The following LPP variants were observed in gnomAD, a reference collection of about 807,000 sequenced individuals.
LPP encodes the protein lipoma-preferred partner.
Under a neutral mutation model 60.4 loss-of-function variants are expected in LPP, and 38 were observed. That is an observed-to-expected ratio of 0.63 (90% CI 0.49 to 0.83). The LOEUF (loss-of-function observed/expected upper bound fraction) is 0.83. Among genes scored for constraint, LPP ranks in the 40% least tolerant of loss-of-function variants. LPP has a pLI of 0.00. For missense variants in LPP, 902 were observed against 783.6 expected (o/e 1.15, Z -1.80); for synonymous variants, 328 against 290.8 (o/e 1.13, Z -1.30).
intron 2 of LPP, among the ~76,000 whole-genome samples, chr3:188,258,800 A>T (rs1732572489): frequency 6.6e-6 from 1 of 152,084 alleles, no homozygotes; most frequent in African/African-American, 2.4e-5. Flanking sequence ...TTTTTTTCTG[A>T]CTCTATGAAC....
At chr3:188,825,269 C>CTCTATG (rs1463318065) in intron 9 of LPP, among the ~76,000 whole-genome samples, 1 of 101,690 alleles carries the variant, frequency 9.8e-6, no homozygotes, top group South Asian at 4.4e-4. Context: ...CTCTCTCTCT[C>CTCTATG]TGTGTGTGTG....
chr3:188,636,719 G>A (rs1414792738), intron 7 of LPP, among the ~76,000 whole-genome samples: 2 of 152,026 alleles, frequency 1.3e-5, no homozygotes, highest in Admixed American at 6.5e-5. Context: ...CTGAGAATGG[G>A]CAGACTGCCT....
chr3:188,470,628 T>C (rs565875853), intron 4 of LPP, among the ~76,000 whole-genome samples: 2 of 152,190 alleles, frequency 1.3e-5, no homozygotes, highest in Admixed American at 6.5e-5. Flanking sequence ...CTAAAGTTAC[T>C]ATAGAGGGCT....
chr3:188,201,065 A>T (rs970042390), intron 1 of LPP, among the ~76,000 whole-genome samples: 2 of 152,162 alleles, frequency 1.3e-5, no homozygotes, highest in African/African-American at 2.4e-5. Context: ...GTTCAGTTTA[A>T]TCTCCTCCTG....
At chr3:188,800,436 G>A (rs988581179) in intron 9 of LPP, among the ~76,000 whole-genome samples, 1 of 151,712 alleles carries the variant, frequency 6.6e-6, no homozygotes, top group African/African-American at 2.4e-5. Flanking sequence ...TAGTAGAGGT[G>A]GGGTTTCATC....
intron 4 of LPP, among the ~76,000 whole-genome samples, chr3:188,469,493 A>G (rs755208289): frequency 2.6e-5 from 4 of 152,084 alleles, no homozygotes; most frequent in Non-Finnish European, 5.9e-5. Flanking sequence ...GAAAAAAGTG[A>G]CCTAGTAATA....
At chr3:188,163,648 T>C (rs909594377) in intron 1 of LPP, among the ~76,000 whole-genome samples, 1 of 151,974 alleles carries the variant, frequency 6.6e-6, no homozygotes, top group African/African-American at 2.4e-5. Context: ...GCTCAAGAAA[T>C]GTCTGCTGAG....
intron 7 of LPP, among the ~76,000 whole-genome samples, chr3:188,628,327 GAATA>G (rs1215398451): frequency 6.6e-6 from 1 of 150,526 alleles, no homozygotes; most frequent in Non-Finnish European, 1.5e-5. Context: ...TTTTTTGCAA[GAATA>G]AATAAGATTG....
At chr3:188,701,083 G>A (rs1191487159) in intron 7 of LPP, among the ~76,000 whole-genome samples, 1 of 152,164 alleles carries the variant, frequency 6.6e-6, no homozygotes, top group Non-Finnish European at 1.5e-5. Flanking sequence ...CTATGTAAAT[G>A]TATAATCAAA....
intron 4 of LPP, among the ~76,000 whole-genome samples, chr3:188,441,056 A>G (rs1255589065): frequency 2.0e-5 from 3 of 151,140 alleles, no homozygotes; most frequent in Non-Finnish European, 4.4e-5. Context: ...GCGTGCCTGT[A>G]TACATCAGAT....
At position 188,599,751 on chromosome 3, in the gene LPP, G is replaced by GAGGGGTGTGTGTGTGT. The variant is rs1553938530; in HGVS notation, c.430-9410_430-9409insAGGGGTGTGTGTGTGT. 2.5e-4 allele frequency among the ~76,000 whole-genome samples: 35 copies of GAGGGGTGTGTGTGTGT among 139,906 alleles called. 1 individual carries two copies. The highest frequency in any genetic ancestry group is 8.8e-4 in the African/African-American group (33 of 37,300). 91.8% of individuals were successfully genotyped at this position (139,906 alleles called of 152,430 possible). ...CAAAAACTATCGGGGACTCGTTAGG[G>GAGGGGTGTGTGTGTGT]GTGTGTGTGTGTGTGTGTGTGTGTG... On this transcript the variant is annotated intron_variant, in intron 6 of 11. Coordinates refer to ENST00000617246, the MANE Select transcript of LPP (RefSeq NM_001375462.1).
At chr3:188,466,722 T>C (rs908879667) in intron 4 of LPP, among the ~76,000 whole-genome samples, 2 of 148,952 alleles carry the variant, frequency 1.3e-5, no homozygotes, top group African/African-American at 2.5e-5. Flanking sequence ...TAGAGGCTCA[T>C]ATTTTTATGC....
intron 5 of LPP, among the ~76,000 whole-genome samples, chr3:188,521,862 T>C (rs77704326): frequency 5.9e-5 from 9 of 152,284 alleles, no homozygotes; most frequent in Non-Finnish European, 1.2e-4. Context: ...TATGTGGAAA[T>C]ACACTTACCA....
At chr3:188,517,022 C>T (rs1358034292) in intron 5 of LPP, among the ~76,000 whole-genome samples, 2 of 152,174 alleles carry the variant, frequency 1.3e-5, no homozygotes, top group Non-Finnish European at 2.9e-5. Flanking sequence ...AAGTCACATA[C>T]TCAATTGCCT....
intron 2 of LPP, among the ~76,000 whole-genome samples, chr3:188,307,141 G>A (rs1751791399): frequency 1.3e-5 from 2 of 152,196 alleles, no homozygotes; most frequent in African/African-American, 2.4e-5. Context: ...CCAAAGAGGT[G>A]TCTATTACTA....
At chr3:188,635,822 T>C (rs1463356802) in intron 7 of LPP, among the ~76,000 whole-genome samples, 1 of 152,236 alleles carries the variant, frequency 6.6e-6, no homozygotes, top group Non-Finnish European at 1.5e-5. Context: ...TTCCAATTCC[T>C]GATTTGAATT....
intron 3 of LPP, among the ~76,000 whole-genome samples, chr3:188,369,485 A>G (rs116609420): frequency 0.013 from 1,965 of 152,282 alleles, 52 homozygotes; most frequent in African/African-American, 0.046. Flanking sequence ...TTCAGGAGTC[A>G]TAATTCTTGT....
rs537143497 is a variant in LPP at position 188,598,094 on chromosome 3, G to A, written c.430-11067G>A. On this transcript the variant is annotated intron_variant, in intron 6 of 11. Transcript: ENST00000617246. ...AAGGATGAATAACCAGTTAGAAGTTGCGAGATGGAAGCAGGTTGGAAAGTG... is the reference window on the plus strand; with the variant it reads ...AAGGATGAATAACCAGTTAGAAGTTACGAGATGGAAGCAGGTTGGAAAGTG... Among the ~76,000 whole-genome samples the A allele has an allele frequency of 2.6e-5, 4 of 152,214 alleles. No homozygotes were observed. The East Asian group carries it at 5.8e-4, about 22-fold the overall frequency.
intron 2 of LPP, among the ~76,000 whole-genome samples, chr3:188,260,008 A>T (rs1281808721): frequency 1.3e-5 from 2 of 151,692 alleles, no homozygotes; most frequent in African/African-American, 2.4e-5. Context: ...ATAAAAATCA[A>T]CACTATCACT....
Sources: allele counts gnomAD v4.1 joint callset (sites outside exome capture counted in the v4.1 genomes callset), GRCh38; gene constraint gnomAD v4.1.1; transcripts MANE v1.5; gene names NCBI Gene and HGNC (gene_info 2026-07-23, HGNC 2026-07-21).